TUSC3: variants seen among roughly 807,000 people sequenced by gnomAD.
TUSC3 encodes dolichyl-diphosphooligosaccharide--protein glycosyltransferase subunit TUSC3.
In TUSC3, 45 loss-of-function variants were observed where a neutral mutation model predicts 44.8. The observed-to-expected ratio is 1.00, with a 90% CI of 0.79 to 1.29. The LOEUF is 1.29. Among genes scored for constraint, TUSC3 ranks in the 50% most tolerant of loss-of-function variants. TUSC3 has a pLI of 0.00. For synonymous variants in TUSC3, 212 were observed against 152.9 expected (o/e 1.39, Z -2.85); for missense variants, 519 against 437.9 (o/e 1.19, Z -1.65).
intron 1 of TUSC3, among the ~76,000 whole-genome samples, chr8:15,601,110 A>G (rs755109639): frequency 6.6e-6 from 1 of 151,908 alleles, no homozygotes; most frequent in Middle Eastern, 3.4e-3. Context: ...TTGTTACAGT[A>G]TCCATAGGTA....
chr8:15,715,980 G>T (rs191521201), intron 6 of TUSC3, among the ~76,000 whole-genome samples: 24 of 152,218 alleles, frequency 1.6e-4, no homozygotes, highest in African/African-American at 5.8e-4. Flanking sequence ...GAAGGGTTGG[G>T]TGTGGTGGCA....
the TUSC3 span, among the ~76,000 whole-genome samples, chr8:15,794,068 C>G: frequency 6.6e-6 from 1 of 152,200 alleles, no homozygotes; most frequent in Non-Finnish European, 1.5e-5. Flanking sequence ...GCTTTTCTCC[C>G]TCTGATGGAT....
rs183075822 is a variant in TUSC3, at chr8:15,430,745, A to G, written n.91+13440A>G. Among the ~76,000 whole-genome samples, 24 of 151,892 alleles carry G rather than the reference A, an allele frequency of 1.6e-4. No homozygotes were observed. The East Asian group carries it at 4.4e-3, about 28-fold the overall frequency. ...CTAGAAAACCCCATTGTCTCAGCCC[A>G]AAATCTCCTTAAGCTGATAAGCAAC... On this transcript the variant is annotated intron_variant and non_coding_transcript_variant, in intron 1 of 5. Transcript: ENST00000503191.
chr8:15,489,308 C>T (rs920615306), intron 2 of TUSC3, among the ~76,000 whole-genome samples: 2 of 152,086 alleles, frequency 1.3e-5, no homozygotes, highest in African/African-American at 4.8e-5. Context: ...ATTTAAAGAC[C>T]TGGAATCAAT....
rs917047178 is a variant in TUSC3 at position 15,638,520 on chromosome 8, T to C, written c.309-12177T>C. 9.5e-5 allele frequency among the ~76,000 whole-genome samples: 6 copies of C among 62,866 alleles called. No homozygotes were observed. The South Asian group carries it at 4.4e-3, about 46-fold the overall frequency. The allele number at this position is 62,866 out of a possible 152,430, so 41.2% of individuals were successfully genotyped here. A position where few individuals can be genotyped will look rare whatever the true frequency, so the allele number is the denominator to read the frequency against. ...AACTTTTTTTTTCTTTTTTTCTTTT[T>C]TTTTTTTTTTTTTTTTTTTGGAGAC... On this transcript the variant is annotated intron_variant, in intron 2 of 10. Coordinates refer to ENST00000503731, the MANE Select transcript of TUSC3 (RefSeq NM_006765.4).
At chr8:15,801,549 T>G in the TUSC3 span, among the ~76,000 whole-genome samples, 9 of 152,166 alleles carry the variant, frequency 5.9e-5, no homozygotes, top group African/African-American at 1.9e-4. Context: ...TCCATTTTTG[T>G]ATCTTGTGTT....
chr8:15,506,552 A>G (rs1339919743), intron 2 of TUSC3, among the ~76,000 whole-genome samples: 1 of 152,210 alleles, frequency 6.6e-6, no homozygotes, highest in African/African-American at 2.4e-5. Flanking sequence ...ACAGTTCCAC[A>G]TGGCTGGGGA....
the TUSC3 span, among the ~76,000 whole-genome samples, chr8:15,851,040 G>A: frequency 1.3e-5 from 2 of 152,186 alleles, no homozygotes; most frequent in Admixed American, 1.3e-4. Context: ...ATTGGTTCTA[G>A]TGAACAGGTG....
intron 1 of TUSC3, 25 bp downstream of exon 1, chr8:15,540,593 C>T (rs1801649501): frequency 2.0e-6 from 3 of 1,528,792 alleles, no homozygotes; most frequent in East Asian, 2.6e-5. Context: ...CTTGGCCTTC[C>T]CCTGTGGGCG....
chr8:15,731,648 A>G (rs1181175719), intron 7 of TUSC3, among the ~76,000 whole-genome samples: 1 of 152,182 alleles, frequency 6.6e-6, no homozygotes, highest in Non-Finnish European at 1.5e-5. Flanking sequence ...CCTGTGTTCA[A>G]GTACTTCAGT....
intron 1 of TUSC3, among the ~76,000 whole-genome samples, chr8:15,583,389 C>T (rs753574038): frequency 2.8e-4 from 43 of 152,154 alleles, no homozygotes; most frequent in African/African-American, 8.0e-4. Context: ...AGAAGATTGA[C>T]GGTGATGGTA....
chr8:15,599,701 GT>G (rs143634299), intron 1 of TUSC3, among the ~76,000 whole-genome samples: 30,622 of 133,834 alleles, frequency 0.23, 2,902 homozygotes, highest in East Asian at 0.27. Flanking sequence ...ATTGCTTGTG[GT>G]TTTTTTTTTT....
chr8:15,693,434 G>T (rs11785945), intron 6 of TUSC3, among the ~76,000 whole-genome samples: 29,427 of 137,644 alleles, frequency 0.21, 3,882 homozygotes, highest in Non-Finnish European at 0.3. Context: ...ACTCTTGGTT[G>T]GAAGTTCTTT....
intron 1 of TUSC3, among the ~76,000 whole-genome samples, chr8:15,476,982 C>G (rs1002392364): frequency 1.3e-5 from 2 of 152,126 alleles, no homozygotes; most frequent in Admixed American, 6.6e-5. Context: ...TCTATGCACA[C>G]GAAGAGTTGG....
chr8:15,696,805 A>C (rs553717376), intron 6 of TUSC3, among the ~76,000 whole-genome samples: 2 of 152,262 alleles, frequency 1.3e-5, no homozygotes, highest in South Asian at 2.1e-4. Flanking sequence ...TACTGGCTTC[A>C]TGGAATGATT....
chr8:15,426,012 C>T (rs185064736), intron 1 of TUSC3, among the ~76,000 whole-genome samples: 25 of 151,992 alleles, frequency 1.6e-4, no homozygotes, highest in Admixed American at 1.6e-3. Context: ...TGAGGCTCTG[C>T]CTCTAAAAAA....
chr8:15,591,545 C>T (rs376497999), intron 1 of TUSC3, among the ~76,000 whole-genome samples: 29 of 152,190 alleles, frequency 1.9e-4, no homozygotes, highest in African/African-American at 5.5e-4. Flanking sequence ...AAGTATCAAG[C>T]GAGTAAGCAT....
intron 5 of TUSC3, among the ~76,000 whole-genome samples, chr8:15,672,862 T>G (rs1046280897): frequency 4.6e-5 from 7 of 152,066 alleles, no homozygotes; most frequent in African/African-American, 1.7e-4. Flanking sequence ...CTTTGGTGTT[T>G]TTGGTGTTTT....
chr8:15,594,709 C>G (rs550576656), intron 1 of TUSC3, among the ~76,000 whole-genome samples: 1 of 152,208 alleles, frequency 6.6e-6, no homozygotes, highest in East Asian at 1.9e-4. Flanking sequence ...ATTACTGGTC[C>G]TCTGTGAGTG....
Sources: gnomAD v4.1 joint callset for allele counts (sites outside exome capture counted in the v4.1 genomes callset) on GRCh38, gnomAD v4.1.1 for gene constraint, MANE v1.5 for transcripts, NCBI Gene and HGNC (gene_info 2026-07-23, HGNC 2026-07-21) for gene names.